CCDC102B: variants seen among roughly 807,000 people sequenced by gnomAD.
CCDC102B encodes the protein coiled-coil domain-containing protein 102B.
A neutral mutation model predicts 57.4 loss-of-function variants in CCDC102B; 75 were observed. The observed-to-expected ratio is 1.31, with a 90% CI of 1.08 to 1.58. The LOEUF (loss-of-function observed/expected upper bound fraction) is 1.58. Among genes scored for constraint, CCDC102B ranks in the 40% most tolerant of loss-of-function variants. The probability of loss-of-function intolerance (pLI) is 0.00; values close to 1 mark genes in which losing one functional copy is unlikely to be tolerated. For synonymous variants in CCDC102B, 206 were observed against 201.9 expected (o/e 1.02, Z -0.17); for missense variants, 636 against 582.6 (o/e 1.09, Z -0.94).
At chr18:68,793,454 A>G (rs1053903020), upstream of CCDC102B, among the ~76,000 whole-genome samples, 2 of 152,242 alleles carry the variant, frequency 1.3e-5, no homozygotes, top group African/African-American at 4.8e-5. Context: ...AGTAGAATAA[A>G]AACCAATGTT....
chr18:68,735,413 T>C (rs1359342109), intron 2 of CCDC102B, among the ~76,000 whole-genome samples: 2 of 152,206 alleles, frequency 1.3e-5, no homozygotes, highest in Admixed American at 6.5e-5. Context: ...ATATCCAACA[T>C]TCTTTTCCTT....
chr18:68,755,028 T>C (rs2033997553), intron 2 of CCDC102B: 1 of 152,224 alleles, frequency 6.6e-6, no homozygotes, highest in Admixed American at 6.5e-5. Flanking sequence ...TATTCTGTTA[T>C]AGCAACCTGA....
Position 69,011,079 on chromosome 18 carries a change from A to G in CCDC102B, c.1409A>G (p.Gln470Arg), listed in dbSNP as rs779276116. 1 of 1,613,714 alleles carries G rather than the reference A, an allele frequency of 6.2e-7. No individual in the cohort carries two copies. The highest frequency in any genetic ancestry group is 1.1e-5 in the South Asian group (1 of 91,032). ...KLRLRVEELK[Q>R]GLNQKEDELD... ...AGATTACGAGTGGAAGAACTAAAGCAGGGACTCAATCAAAAAGAAGATGAG... is the reference window on the plus strand; with the variant it reads ...AGATTACGAGTGGAAGAACTAAAGCGGGGACTCAATCAAAAAGAAGATGAG... The change falls in exon 7 of 8, where the codon CAG becomes CGG. Residue 470 changes from glutamine to arginine, a missense_variant. Coordinates refer to ENST00000360242, the MANE Select transcript of CCDC102B (RefSeq NM_024781.3).
chr18:68,748,781 A>C (rs2033730566), intron 2 of CCDC102B, among the ~76,000 whole-genome samples: 1 of 152,206 alleles, frequency 6.6e-6, no homozygotes, highest in Non-Finnish European at 1.5e-5. Context: ...TTTATGTAGT[A>C]AAAGTATAAC....
intron 6 of CCDC102B, among the ~76,000 whole-genome samples, chr18:68,912,530 A>G (rs1380406615): frequency 1.3e-5 from 2 of 152,260 alleles, no homozygotes; most frequent in Admixed American, 6.5e-5. Context: ...TGTCAGCACA[A>G]ACTAAAACTT....
chr18:68,911,496 T>C (rs1599676747), intron 6 of CCDC102B, among the ~76,000 whole-genome samples: 1 of 150,634 alleles, frequency 6.6e-6, no homozygotes, highest in East Asian at 2.1e-4. Context: ...CTCACGCCTG[T>C]AATCCCAGCA....
chr18:68,852,246 C>A (rs1435353355), intron 4 of CCDC102B, among the ~76,000 whole-genome samples: 3 of 152,116 alleles, frequency 2.0e-5, no homozygotes, highest in Non-Finnish European at 2.9e-5. Flanking sequence ...TCTTCCCACT[C>A]ATTTTTTTTC....
chr18:68,905,408 A>G (rs771103870), intron 6 of CCDC102B, among the ~76,000 whole-genome samples: 29 of 151,066 alleles, frequency 1.9e-4, no homozygotes, highest in Non-Finnish European at 3.4e-4. Context: ...AATTAAAACT[A>G]AAATGCAAGT....
chr18:69,030,526 T>C (rs2052110616), intron 7 of CCDC102B, among the ~76,000 whole-genome samples: 1 of 152,224 alleles, frequency 6.6e-6, no homozygotes, highest in South Asian at 2.1e-4. Context: ...TTTAGAAACA[T>C]TTTTTGAAAC....
intron 2 of CCDC102B, among the ~76,000 whole-genome samples, chr18:68,773,293 G>A (rs12607604): frequency 0.064 from 9,802 of 152,046 alleles, 597 homozygotes; most frequent in African/African-American, 0.16. Context: ...TAGTATAATA[G>A]TAACATGGCA....
intron 2 of CCDC102B, among the ~76,000 whole-genome samples, chr18:68,743,240 TAAATAAATAAATAAAA>T (rs1332905621): frequency 1.5e-4 from 9 of 61,408 alleles, no homozygotes; most frequent in East Asian, 1.0e-3. Flanking sequence ...AATAAATAAA[TAAATAAATAAATAAAA>T]AATTAGACAG....
intron 4 of CCDC102B, among the ~76,000 whole-genome samples, chr18:68,861,753 C>A (rs894349566): frequency 4.6e-5 from 7 of 152,148 alleles, no homozygotes; most frequent in Non-Finnish European, 1.0e-4. Flanking sequence ...CTGTGGGCCC[C>A]CAGGGTTCTC....
chr18:69,037,662 AAAGAGT>A (rs1187154829), intron 7 of CCDC102B, among the ~76,000 whole-genome samples: 1 of 152,072 alleles, frequency 6.6e-6, no homozygotes, highest in Non-Finnish European at 1.5e-5. Flanking sequence ...GAGGGAAGAG[AAAGAGT>A]AAAACAAACA....
intron 6 of CCDC102B, chr18:68,899,812 G>A (rs1482723002): frequency 6.6e-6 from 1 of 151,928 alleles, no homozygotes; most frequent in African/African-American, 2.4e-5. Context: ...TTATTTCAAT[G>A]GTATAGAGAA....
At chr18:68,998,997 TATAGAGAGAGAGAGAG>T (rs1174102990) in intron 6 of CCDC102B, among the ~76,000 whole-genome samples, 113 of 30,562 alleles carry the variant, frequency 3.7e-3, no homozygotes, top group African/African-American at 9.0e-3. Flanking sequence ...TATATATATA[TATAGAGAGAGAGAGAG>T]AGAGAGAGAG....
intron 6 of CCDC102B, among the ~76,000 whole-genome samples, chr18:68,977,316 G>T (rs1252368983): frequency 6.6e-6 from 1 of 151,982 alleles, no homozygotes; most frequent in Non-Finnish European, 1.5e-5. Flanking sequence ...TGCAGAACGT[G>T]CAGGTTTGTT....
At chr18:68,818,934 T>A (rs1166148187) in intron 1 of CCDC102B, among the ~76,000 whole-genome samples, 2 of 152,108 alleles carry the variant, frequency 1.3e-5, no homozygotes, top group East Asian at 1.9e-4. Context: ...ATGAAGTACA[T>A]CTTCAAGTTT....
At position 68,819,647 on chromosome 18, in the gene CCDC102B, A is replaced by C. The variant is rs2036619623; in HGVS notation, c.-15-17102A>C. 2.0e-5 allele frequency among the ~76,000 whole-genome samples: 3 copies of C among 152,062 alleles called. No individual in the cohort carries two copies. In the South Asian group the frequency reaches 6.2e-4, roughly 31 times the overall value. On this transcript the variant is annotated intron_variant, in intron 1 of 7. Transcript: ENST00000360242. The stretch of plus-strand genomic sequence containing the variant: ...GATTTTGACTGGAATTATTGAATAC[A>C]TAGGTTGATTTATGCATAAATGTCA...
intron 6 of CCDC102B, among the ~76,000 whole-genome samples, chr18:68,958,579 T>G (rs1242339248): frequency 6.6e-6 from 1 of 152,194 alleles, no homozygotes; most frequent in African/African-American, 2.4e-5. Flanking sequence ...ATTATCTCTT[T>G]GAATAAAACT....
Sources: gnomAD v4.1 joint callset for allele counts (sites outside exome capture counted in the v4.1 genomes callset) on GRCh38, gnomAD v4.1.1 for gene constraint, MANE v1.5 for transcripts, NCBI Gene and HGNC (gene_info 2026-07-23, HGNC 2026-07-21) for gene names.